SLC10A7: variants seen among roughly 807,000 people sequenced by gnomAD.
SLC10A7 encodes sodium/bile acid cotransporter 7.
In SLC10A7, 29 loss-of-function variants were observed where a neutral mutation model predicts 43.2. The observed-to-expected ratio is 0.67, with a 90% confidence interval of 0.50 to 0.92. SLC10A7 has a LOEUF of 0.92. Ranked by LOEUF, SLC10A7 falls within the 40% of genes least tolerant of loss-of-function variation. The probability of loss-of-function intolerance (pLI) is 0.00; values close to 1 mark genes in which losing one functional copy is unlikely to be tolerated. For missense variants in SLC10A7, 295 were observed against 403.2 expected (o/e 0.73, Z 2.30); for synonymous variants, 152 against 144.8 (o/e 1.05, Z -0.35).
At chr4:146,265,572 T>C (rs1321534201) in intron 10 of SLC10A7, among the ~76,000 whole-genome samples, 1 of 152,220 alleles carries the variant, frequency 6.6e-6, no homozygotes, top group Non-Finnish European at 1.5e-5. Flanking sequence ...TTTTCTTTTG[T>C]GTAGGTTTTG....
intron 6 of SLC10A7, among the ~76,000 whole-genome samples, chr4:146,320,289 A>T (rs950680690): frequency 1.3e-5 from 2 of 152,094 alleles, no homozygotes; most frequent in Non-Finnish European, 2.9e-5. Flanking sequence ...CCAGGCAAAT[A>T]TGAAGCAGTA....
chr4:146,434,208 A>G lies in SLC10A7; in HGVS notation c.435+8575T>C, dbSNP rs1242798071. Among the ~76,000 whole-genome samples, 2 of 152,214 alleles carry G rather than the reference A, an allele frequency of 1.3e-5. 1 individual carries two copies. Among genetic ancestry groups the G allele is most frequent in the African/African-American group, 4.8e-5 (2 of 41,458 alleles). ...ATCAGTTTTTTAACTACATCTACGT[A>G]ACACACAGGACATAGACCAAAATGC... On this transcript the variant is annotated intron_variant, in intron 5 of 11. Transcript: ENST00000335472.
chr4:146,456,463 G>T (rs756824943), intron 4 of SLC10A7, among the ~76,000 whole-genome samples: 51 of 151,748 alleles, frequency 3.4e-4, no homozygotes, highest in Non-Finnish European at 5.7e-4. Flanking sequence ...GCACTTCAAG[G>T]GTCCACAGGC....
intron 5 of SLC10A7, among the ~76,000 whole-genome samples, chr4:146,327,015 A>G (rs542131878): frequency 1.3e-5 from 2 of 152,034 alleles, no homozygotes; most frequent in African/African-American, 4.8e-5. Context: ...CAGAGGTACT[A>G]TATATCCAGA....
In SLC10A7 at chr4:146,437,827, G is replaced by A. The variant is rs189640212; in HGVS notation, c.435+4956C>T. Among the ~76,000 whole-genome samples, 292 of 151,948 alleles carry A rather than the reference G, an allele frequency of 1.9e-3. 1 individual carries two copies. The highest frequency in any genetic ancestry group is 3.3e-3 in the Non-Finnish European group (224 of 67,848). ...GCAATCAATGAGTAACAAAGATAAT[G>A]GTGTTTCCTCTTTAACCATTCTAAA... On this transcript the variant is annotated intron_variant, in intron 5 of 11. Coordinates refer to ENST00000335472, the MANE Select transcript of SLC10A7 (RefSeq NM_001029998.6).
intron 6 of SLC10A7, among the ~76,000 whole-genome samples, chr4:146,319,026 A>G (rs1288455388): frequency 1.3e-5 from 2 of 152,028 alleles, no homozygotes; most frequent in African/African-American, 4.8e-5. Flanking sequence ...TCCCCTTACA[A>G]TCTGTTCTCA....
intron 5 of SLC10A7, among the ~76,000 whole-genome samples, chr4:146,409,289 CTT>C (rs1430012360): frequency 6.8e-6 from 1 of 146,314 alleles, no homozygotes; most frequent in African/African-American, 2.5e-5. Context: ...TGCAATAACA[CTT>C]TTGCTTCCAA....
intron 5 of SLC10A7, among the ~76,000 whole-genome samples, chr4:146,344,338 G>T (rs1027488924): frequency 6.6e-6 from 1 of 152,030 alleles, no homozygotes; most frequent in Non-Finnish European, 1.5e-5. Context: ...AAATCATTTG[G>T]AATTTTTAGA....
chr4:146,478,432 TAA>T (rs1734209592), intron 4 of SLC10A7: 1 of 152,228 alleles, frequency 6.6e-6, no homozygotes, highest in Admixed American at 6.5e-5. Flanking sequence ...TGGCAAAATT[TAA>T]ATAGGATGTA....
At chr4:146,460,994 C>T (rs1732479974) in intron 4 of SLC10A7, among the ~76,000 whole-genome samples, 1 of 151,728 alleles carries the variant, frequency 6.6e-6, no homozygotes, top group Admixed American at 6.6e-5. Context: ...GAACCAAAAC[C>T]ACCAAATTTC....
chr4:146,347,114 AG>A (rs1337495078), intron 5 of SLC10A7, among the ~76,000 whole-genome samples: 1 of 152,092 alleles, frequency 6.6e-6, no homozygotes, highest in Non-Finnish European at 1.5e-5. Flanking sequence ...GGCCCAGAGA[AG>A]GGTAGAGGTG....
At chr4:146,520,526 C>T (rs1470487505) in intron 1 of SLC10A7, among the ~76,000 whole-genome samples, 1 of 152,212 alleles carries the variant, frequency 6.6e-6, no homozygotes, top group Non-Finnish European at 1.5e-5. Flanking sequence ...CCGGAAGCTA[C>T]TTCTAAACAG....
intron 4 of SLC10A7, among the ~76,000 whole-genome samples, chr4:146,448,750 C>T (rs1350314137): frequency 2.0e-5 from 3 of 152,018 alleles, no homozygotes; most frequent in Non-Finnish European, 4.4e-5. Context: ...TGTTTCAAGC[C>T]TAGGAGAATA....
At chr4:146,412,287 T>G (rs1728251902) in intron 5 of SLC10A7, among the ~76,000 whole-genome samples, 1 of 152,210 alleles carries the variant, frequency 6.6e-6, no homozygotes, top group African/African-American at 2.4e-5. Flanking sequence ...TAATTAATGT[T>G]GTCATTCTTT....
chr4:146,517,176 A>G, intron 1 of SLC10A7, 56 bp from the exon 2 acceptor site: 5 of 1,407,604 alleles, frequency 3.6e-6, no homozygotes, highest in Non-Finnish European at 3.0e-6. Flanking sequence ...ATAACTTGGC[A>G]CAAAAGAAGA....
intron 5 of SLC10A7, chr4:146,442,502 T>C: frequency 8.3e-7 from 1 of 1,204,400 alleles, no homozygotes; most frequent in Non-Finnish European, 1.0e-6. Flanking sequence ...ATGATCAATA[T>C]ATTGACATAA....
At chr4:146,320,618 G>T (rs1448675101) in intron 6 of SLC10A7, among the ~76,000 whole-genome samples, 2 of 152,054 alleles carry the variant, frequency 1.3e-5, no homozygotes, top group African/African-American at 4.8e-5. Context: ...GGGCAAGCTT[G>T]CTGGAGAAGA....
intron 5 of SLC10A7, among the ~76,000 whole-genome samples, chr4:146,387,640 A>G (rs1205049632): frequency 6.6e-6 from 1 of 152,208 alleles, no homozygotes. Context: ...AAGTCAGATT[A>G]TCTCTGTTCA....
At chr4:146,488,187 C>A (rs1177118001) in intron 4 of SLC10A7, among the ~76,000 whole-genome samples, 1 of 151,066 alleles carries the variant, frequency 6.6e-6, no homozygotes, top group African/African-American at 2.4e-5. Context: ...TGAGACCCTG[C>A]CTCAAAAGAA....
Sources: allele counts gnomAD v4.1 joint callset (sites outside exome capture counted in the v4.1 genomes callset), GRCh38; gene constraint gnomAD v4.1.1; transcripts MANE v1.5; gene names NCBI Gene and HGNC (gene_info 2026-07-23, HGNC 2026-07-21).